RASA4B: variants seen among roughly 807,000 people sequenced by gnomAD.
RASA4B encodes the protein RAS p21 protein activator 4B.
A neutral mutation model predicts 24.2 loss-of-function variants in RASA4B; 2 were observed. The observed-to-expected ratio is 0.08, with a 90% CI of 0.03 to 0.26. The LOEUF is 0.26. Ranked by LOEUF, RASA4B falls within the 10% of genes least tolerant of loss-of-function variation. RASA4B has a pLI of 1.00. For synonymous variants in RASA4B, 2 were observed against 125.6 expected, an observed-to-expected ratio of 0.02 and a Z score of 6.58; for missense variants, 8 against 277.2, an observed-to-expected ratio of 0.03 and a Z score of 6.90.
intron 8 of RASA4B, among the ~76,000 whole-genome samples, chr7:102,500,315 G>GC (rs1799317624): frequency 1.2e-5 from 1 of 82,366 alleles, no homozygotes; most frequent in Non-Finnish European, 2.6e-5. Flanking sequence ...TACTAAAAAT[G>GC]CAAAAAATTA....
intron 18 of RASA4B, among the ~76,000 whole-genome samples, chr7:102,487,493 C>T (rs1321370859): frequency 5.0e-5 from 1 of 20,110 alleles, no homozygotes; most frequent in Non-Finnish European, 1.8e-4. Flanking sequence ...TTGGAGTGTG[C>T]GAACCCAGGG....
intron 8 of RASA4B, among the ~76,000 whole-genome samples, chr7:102,499,193 A>AG (rs796973422): frequency 9.9e-6 from 1 of 100,518 alleles, no homozygotes; most frequent in Non-Finnish European, 2.4e-5. Context: ...TCAAAAAAAA[A>AG]ATATATATAT....
At chr7:102,502,618 G>A (rs1799359600) in intron 6 of RASA4B, among the ~76,000 whole-genome samples, 1 of 107,822 alleles carries the variant, frequency 9.3e-6, no homozygotes, top group African/African-American at 2.7e-5. Context: ...AAATTAGCCT[G>A]GTGTGGTGGT....
At chr7:102,517,503 AT>A in intron 1 of RASA4B, 142 bp downstream of exon 1, 1 of 111,924 alleles carries the variant, frequency 8.9e-6, no homozygotes, top group Non-Finnish European at 1.6e-5. Flanking sequence ...CACTGTCCCC[AT>A]TTTCCCCGCC....
At chr7:102,498,246 C>T (rs1249894818) in intron 8 of RASA4B, among the ~76,000 whole-genome samples, 1 of 149,648 alleles carries the variant, frequency 6.7e-6, no homozygotes, top group Non-Finnish European at 1.5e-5. Flanking sequence ...AGTGCATGGT[C>T]ATTCTTCTTC....
In RASA4B at chr7:102,481,532, G is replaced by GCA. The variant is rs1798608145; in HGVS notation, c.*2058_*2059dup. Among the ~76,000 whole-genome samples, 1 of 123,654 alleles carries GCA rather than the reference G, an allele frequency of 8.1e-6. No individual in the cohort carries two copies. The highest frequency in any genetic ancestry group is 1.8e-5 in the Non-Finnish European group (1 of 55,874). The allele number at this position is 123,654 out of a possible 152,430, so 81.1% of individuals were successfully genotyped here. ...ATACAAGAATTAGCTGGGCATGGTG[G>GCA]CACACGCCTTTAGTCCCAGCTACTC... On this transcript the variant is annotated 3_prime_UTR_variant, in exon 21 of 21. Transcript: ENST00000465829.
chr7:102,492,488 A>G (rs1798983978), intron 16 of RASA4B, among the ~76,000 whole-genome samples: 1 of 75,764 alleles, frequency 1.3e-5, no homozygotes, highest in Non-Finnish European at 3.5e-5. Context: ...TCTTCCAGGA[A>G]GCCTCCCCTG....
In RASA4B at chr7:102,480,240, T is replaced by G. The variant is rs1320662651; in HGVS notation, c.*3352A>C. ...GTTAGTGTCAAGGAAAAACACCCGCTACTTAGCAGACCAGGAAAGGGAGTG... is the reference window on the plus strand; with the variant it reads ...GTTAGTGTCAAGGAAAAACACCCGCGACTTAGCAGACCAGGAAAGGGAGTG... On this transcript the variant is annotated 3_prime_UTR_variant, in exon 21 of 21. Transcript: ENST00000465829. 6.6e-6 allele frequency among the ~76,000 whole-genome samples: 1 copy of G among 152,158 alleles called. No individual in the cohort carries two copies. The highest frequency in any genetic ancestry group is 1.5e-5 in the Non-Finnish European group (1 of 68,036).
chr7:102,502,767 A>T (rs1391719524), intron 6 of RASA4B, among the ~76,000 whole-genome samples: 2 of 125,174 alleles, frequency 1.6e-5, no homozygotes, highest in Non-Finnish European at 3.7e-5. Context: ...CTCAAAAAAA[A>T]AAAACACCAC....
chr7:102,489,659 C>T (rs1239936324), intron 17 of RASA4B, among the ~76,000 whole-genome samples: 2 of 148,850 alleles, frequency 1.3e-5, no homozygotes, highest in East Asian at 4.1e-4. Flanking sequence ...CACCCGGCTA[C>T]TTTTTGTACT....
rs1231861217 is a variant in RASA4B, at chr7:102,490,713, C to A, written c.1968+273G>T. 3.9e-5 allele frequency among the ~76,000 whole-genome samples: 6 copies of A among 152,074 alleles called. No homozygotes were observed. In the East Asian group the frequency reaches 9.7e-4, roughly 25 times the overall value. The stretch of plus-strand genomic sequence containing the variant: ...TCTTTTCTCATCCAGTCCACTCAGG[C>A]CCCTCCCACAGCAGCCAGGCCACTC... On this transcript the variant is annotated intron_variant, in intron 17 of 20. Coordinates refer to ENST00000465829, the MANE Select transcript of RASA4B (RefSeq NM_001367767.2).
chr7:102,489,636 G>A (rs1798839485), intron 17 of RASA4B, among the ~76,000 whole-genome samples: 1 of 149,422 alleles, frequency 6.7e-6, no homozygotes, highest in African/African-American at 2.4e-5. Flanking sequence ...GGGACTACAG[G>A]CACCCACCAC....
At chr7:102,491,404 G>A in intron 16 of RASA4B, among the ~76,000 whole-genome samples, 1 of 30,368 alleles carries the variant, frequency 3.3e-5, no homozygotes, top group African/African-American at 4.3e-5. Flanking sequence ...AGTCAATCCG[G>A]CCGTGGCCAA....
At chr7:102,490,666 C>T (rs1231358049) in intron 17 of RASA4B, among the ~76,000 whole-genome samples, 1 of 152,050 alleles carries the variant, frequency 6.6e-6, no homozygotes, top group Non-Finnish European at 1.5e-5. Flanking sequence ...TAGCTGGTAG[C>T]GGGGCGAGAG....
Position 102,480,018 on chromosome 7 carries a change from G to C in RASA4B, c.*3574C>G, listed in dbSNP as rs926380822. 2.0e-5 allele frequency among the ~76,000 whole-genome samples: 3 copies of C among 151,964 alleles called. No individual in the cohort carries two copies. The highest frequency in any genetic ancestry group is 4.8e-5 in the African/African-American group (2 of 41,372). ...TTATTCCAATATTATAATAATCCTC[G>C]CTCTACAATCATAACCTAGGAAACA... On this transcript the variant is annotated 3_prime_UTR_variant, in exon 21 of 21. Coordinates refer to ENST00000465829, the MANE Select transcript of RASA4B (RefSeq NM_001367767.2).
At chr7:102,507,578 A>T (rs1799566436) in intron 4 of RASA4B, among the ~76,000 whole-genome samples, 1 of 152,270 alleles carries the variant, frequency 6.6e-6, no homozygotes, top group South Asian at 2.1e-4. Flanking sequence ...CCTGACCTCA[A>T]GCCATCCTCC....
rs11763899 is a variant in RASA4B, at chr7:102,480,028, C to A, written c.*3564G>T. ...ATTATAATAATCCTCGCTCTACAATCATAACCTAGGAAACACCAGGCCATA... is the reference window on the plus strand; with the variant it reads ...ATTATAATAATCCTCGCTCTACAATAATAACCTAGGAAACACCAGGCCATA... On this transcript the variant is annotated 3_prime_UTR_variant, in exon 21 of 21. Coordinates refer to ENST00000465829, the MANE Select transcript of RASA4B (RefSeq NM_001367767.2). Among the ~76,000 whole-genome samples, 1,613 of 145,846 alleles carry A rather than the reference C, an allele frequency of 0.011. 34 individuals are homozygous for A. Among genetic ancestry groups the A allele is most frequent in the African/African-American group, 0.038 (1,519 of 40,052 alleles).
chr7:102,485,270 CG>C (rs1317289956), intron 18 of RASA4B, 111 bp from the exon 19 acceptor site: 113 of 562,806 alleles, frequency 2.0e-4, no homozygotes, highest in Non-Finnish European at 2.9e-4. Context: ...GAGATGCACT[CG>C]GGGGTCCCTA....
intron 8 of RASA4B, among the ~76,000 whole-genome samples, chr7:102,498,509 C>T (rs1457349088): frequency 2.8e-5 from 4 of 144,514 alleles, no homozygotes; most frequent in Non-Finnish European, 6.1e-5. Flanking sequence ...ATCCACCCGC[C>T]TCGGCCACCC....
Sources: allele counts gnomAD v4.1 joint callset (sites outside exome capture counted in the v4.1 genomes callset), GRCh38; gene constraint gnomAD v4.1.1; transcripts MANE v1.5; gene names NCBI Gene and HGNC (gene_info 2026-07-23, HGNC 2026-07-21).